The following ADCYAP1 variants were observed in gnomAD, a reference collection of about 807,000 sequenced individuals.
ADCYAP1 encodes the protein pituitary adenylate cyclase-activating polypeptide.
A neutral mutation model predicts 18.5 loss-of-function variants in ADCYAP1; 6 were observed. The observed-to-expected ratio is 0.32, with a 90% CI of 0.18 to 0.64. The LOEUF (loss-of-function observed/expected upper bound fraction) is 0.64, where lower values mean the gene tolerates loss of function less well. ADCYAP1 is among the 30% of genes least tolerant of loss of function. ADCYAP1 has a pLI of 0.77. For missense variants in ADCYAP1, 314 were observed against 253.6 expected (o/e 1.24, Z -1.62); for synonymous variants, 136 against 113.9 (o/e 1.19, Z -1.24).
At chr18:907,462 C>T (rs1428132449) in intron 2 of ADCYAP1, 197 bp from the exon 3 acceptor site, 17 of 526,154 alleles carry the variant, frequency 3.2e-5, no homozygotes, top group Non-Finnish European at 5.3e-5. Context: ...GCGGGCCGCC[C>T]GGCGGGGTAG....
Position 907,728 on chromosome 18 carries a change from C to A in ADCYAP1, c.180C>A (p.Gly60=), listed in dbSNP as rs1244767687. ...ACTTCGATGGCTCGGAGCCGCCGGG[C>A]GCAGGGAGCCCCGCCTCCGCGCCGC... ...LPDFDGSEPP[G]AGSPASAPRA... is the part of the protein sequence containing the mutation. The change falls in exon 3 of 5, where the codon GGC becomes GGA. Residue 60 remains glycine, a synonymous_variant. Coordinates refer to ENST00000450565, the MANE Select transcript of ADCYAP1 (RefSeq NM_001099733.2). The A allele has an allele frequency of 4.6e-6, 7 of 1,529,924 alleles. No homozygotes were observed. In the East Asian group the frequency reaches 7.5e-5, roughly 16 times the overall value. The allele number at this position is 1,529,924 out of a possible 1,614,324, so 94.8% of individuals were successfully genotyped here. A position where few individuals can be genotyped will look rare whatever the true frequency, so the allele number is the denominator to read the frequency against.
At position 907,736 on chromosome 18, in the gene ADCYAP1, G is replaced by A. The variant is rs761085713; in HGVS notation, c.188G>A (p.Ser63Asn). Residue 63 changes from serine (S) to asparagine (N), a missense_variant, in exon 3 of 5, where the codon AGC becomes AAC. Coordinates refer to ENST00000450565, the MANE Select transcript of ADCYAP1 (RefSeq NM_001099733.2). Reference sequence around the variant, plus strand: ...GGCTCGGAGCCGCCGGGCGCAGGGAGCCCCGCCTCCGCGCCGCGCGCCGCC... The same window carrying A: ...GGCTCGGAGCCGCCGGGCGCAGGGAACCCCGCCTCCGCGCCGCGCGCCGCC... ...FDGSEPPGAG[S>N]PASAPRAAAA... 1 of 1,521,936 alleles carries A rather than the reference G, an allele frequency of 6.6e-7. No homozygotes were observed. Among genetic ancestry groups the A allele is most frequent in the Non-Finnish European group, 8.8e-7 (1 of 1,141,398 alleles). The allele number at this position is 1,521,936 out of a possible 1,614,324, so 94.3% of individuals were successfully genotyped here. A position where few individuals can be genotyped will look rare whatever the true frequency, so the allele number is the denominator to read the frequency against.
rs192669197 is a variant in ADCYAP1, at chr18:911,723, C to T, written c.*2088C>T. The T allele has an allele frequency of 6.6e-6, 1 of 152,158 alleles. No homozygotes were observed. The highest frequency in any genetic ancestry group is 2.4e-5 in the African/African-American group (1 of 41,430). 9.4% of individuals were successfully genotyped at this position (152,158 alleles called of 1,614,324 possible). Reference sequence around the variant, plus strand: ...CCTTTCTTCGCCTTTTAAATTGCCACGAATCACAGATGGCTATTTAGTGGC... The same window carrying T: ...CCTTTCTTCGCCTTTTAAATTGCCATGAATCACAGATGGCTATTTAGTGGC... On this transcript the variant is annotated 3_prime_UTR_variant, in exon 5 of 5. Coordinates refer to ENST00000450565, the MANE Select transcript of ADCYAP1 (RefSeq NM_001099733.2).
In ADCYAP1 at chr18:908,208, G is replaced by A. The variant is rs1909250922; in HGVS notation, c.243-57G>A. The A allele has an allele frequency of 5.3e-6, 8 of 1,497,964 alleles. No individual in the cohort carries two copies. In the South Asian group the frequency reaches 6.0e-5, roughly 11 times the overall value. The allele number at this position is 1,497,964 out of a possible 1,614,324, so 92.8% of individuals were successfully genotyped here. A position where few individuals can be genotyped will look rare whatever the true frequency, so the allele number is the denominator to read the frequency against. ...CGCGCGCCCAACAAGGGGGTCTCTA[G>A]CGGCCACCTGGGGACAGAAACAGTG... On this transcript the variant is annotated intron_variant, in intron 3 of 4. Transcript: ENST00000450565.
chr18:908,428 G>GA (rs1909265143), intron 4 of ADCYAP1, 65 bp downstream of exon 4: 2 of 1,463,870 alleles, frequency 1.4e-6, no homozygotes, highest in African/African-American at 2.8e-5. Flanking sequence ...GGCGCGCGGG[G>GA]CGGGCGGCGG....
chr18:904,507 A>G (rs1909080989), upstream of ADCYAP1: 1 of 1,289,094 alleles, frequency 7.8e-7, no homozygotes, highest in African/African-American at 1.5e-5. Context: ...GCACAGATAA[A>G]TAGGAGCAGA....
chr18:908,438 G>A, intron 4 of ADCYAP1, 75 bp downstream of exon 4: 1 of 1,255,774 alleles, frequency 8.0e-7, no homozygotes, highest in Non-Finnish European at 1.1e-6. Flanking sequence ...GCGGGCGGCG[G>A]TGGGTGCCCG....
intron 2 of ADCYAP1, among the ~76,000 whole-genome samples, chr18:907,105 A>G (rs1365750134): frequency 6.6e-6 from 1 of 152,200 alleles, no homozygotes; most frequent in Non-Finnish European, 1.5e-5. Context: ...TGCCCAAAAT[A>G]GAAACCGAGG....
Position 909,656 on chromosome 18 carries a change from T to TGACGCA in ADCYAP1, c.*22_*23insACGCAG, listed in dbSNP as rs778411412. On this transcript the variant is annotated 3_prime_UTR_variant, in exon 5 of 5. Transcript: ENST00000450565. ...TGTAGCGATGGGTTACCAGCTACCCTGTGTATACAGCCCTGACGCAATGAA... is the reference window on the plus strand; with the variant it reads ...TGTAGCGATGGGTTACCAGCTACCCTGACGCAGTGTATACAGCCCTGACGCAATGAA... The TGACGCA allele has an allele frequency of 1.2e-6, 2 of 1,608,952 alleles. No individual in the cohort carries two copies. Among genetic ancestry groups the TGACGCA allele is most frequent in the South Asian group, 2.2e-5 (2 of 90,588 alleles).
Position 911,219 on chromosome 18 carries a change from C to T in ADCYAP1, c.*1584C>T, listed in dbSNP as rs774842695. 5.9e-5 allele frequency: 9 copies of T among 152,140 alleles called. No individual in the cohort carries two copies. In the South Asian group the frequency reaches 1.5e-3, roughly 25 times the overall value. The allele number at this position is 152,140 out of a possible 1,614,324, so 9.4% of individuals were successfully genotyped here. A position where few individuals can be genotyped will look rare whatever the true frequency, so the allele number is the denominator to read the frequency against. On this transcript the variant is annotated 3_prime_UTR_variant, in exon 5 of 5. Coordinates refer to ENST00000450565, the MANE Select transcript of ADCYAP1 (RefSeq NM_001099733.2). ...GACCCTGAGAACCTACGCTTGTATC[C>T]TTTCTTTGGCTAAAGAAAGCATGTC...
rs750759089 is a variant in ADCYAP1 at position 907,681 on chromosome 18, G to A, written c.133G>A (p.Glu45Lys). ...CAGGCCAGAGGAAGAGGCGTACGGCGAGGACGGAAACCCGCTGCCAGACTT... is the reference window on the plus strand; with the variant it reads ...CAGGCCAGAGGAAGAGGCGTACGGCAAGGACGGAAACCCGCTGCCAGACTT... ...GIRPEEEAYG[E>K]DGNPLPDFDG... Residue 45 changes from glutamate to lysine, a missense_variant, in exon 3 of 5, where the codon GAG becomes AAG. Glu to Lys is a moderately conservative substitution (Grantham distance 56, BLOSUM62 1). Transcript: ENST00000450565. The A allele has an allele frequency of 6.3e-7, 1 of 1,575,252 alleles. No individual in the cohort carries two copies. Among genetic ancestry groups the A allele is most frequent in the Admixed American group, 1.8e-5 (1 of 56,910 alleles).
At chr18:905,643 A>G (rs1598982567) in intron 2 of ADCYAP1, 147 bp downstream of exon 2, 1 of 974,938 alleles carries the variant, frequency 1.0e-6, no homozygotes, top group South Asian at 1.7e-5. Context: ...CCTCGGCTGG[A>G]CAGCGGGTCC....
chr18:904,628 G>A (rs1909086543), upstream of ADCYAP1: 4 of 1,246,070 alleles, frequency 3.2e-6, no homozygotes, highest in Non-Finnish European at 3.1e-6. Context: ...CGGCTGCCTG[G>A]CCCGCGGCTC....
rs1167340483 is a variant in ADCYAP1 at position 905,502 on chromosome 18, T to A, written c.110+6T>A. 3 of 1,604,876 alleles carry A rather than the reference T, an allele frequency of 1.9e-6. No homozygotes were observed. Among genetic ancestry groups the A allele is most frequent in the Non-Finnish European group, 2.5e-6 (3 of 1,179,916 alleles). ...CTCCGGTTCCCCGGGATCAGGTAGGTGCTGGCTGCCTGGCCCAAGCAGGAG... is the reference window on the plus strand; with the variant it reads ...CTCCGGTTCCCCGGGATCAGGTAGGAGCTGGCTGCCTGGCCCAAGCAGGAG... On this transcript the variant is annotated splice_donor_region_variant and intron_variant, in intron 2 of 4. Coordinates refer to ENST00000450565, the MANE Select transcript of ADCYAP1 (RefSeq NM_001099733.2).
chr18:907,563 C>G (rs12967282), intron 2 of ADCYAP1, 96 bp from the exon 3 acceptor site: 16 of 1,296,608 alleles, frequency 1.2e-5, no homozygotes, highest in Non-Finnish European at 1.6e-5. Context: ...ACTTTTATCA[C>G]CTGTGAAAAT....
At position 911,267 on chromosome 18, in the gene ADCYAP1, C is replaced by T. The variant is rs182760479; in HGVS notation, c.*1632C>T. 7.9e-5 allele frequency: 12 copies of T among 152,104 alleles called. No homozygotes were observed. The East Asian group carries it at 2.3e-3, about 29-fold the overall frequency. The allele number at this position is 152,104 out of a possible 1,614,324, so 9.4% of individuals were successfully genotyped here. ...GTCTGTTTCCTGTCAATTCTTTGAA[C>T]ATACAGAGTAATCTTTATAAACAAA... On this transcript the variant is annotated 3_prime_UTR_variant, in exon 5 of 5. Coordinates refer to ENST00000450565, the MANE Select transcript of ADCYAP1 (RefSeq NM_001099733.2).
rs1598981951 is a variant in ADCYAP1, at chr18:905,080, A to G, written c.-2+20A>G. On this transcript the variant is annotated intron_variant, in intron 1 of 4. Transcript: ENST00000450565. ...TGAAGGGTAAGGGAGGGAAAATCTT[A>G]CCAAAGCGACCGGCTCACTCGACTG... 1 of 1,296,564 alleles carries G rather than the reference A, an allele frequency of 7.7e-7. No homozygotes were observed. Among genetic ancestry groups the G allele is most frequent in the Non-Finnish European group, 9.9e-7 (1 of 1,006,250 alleles). The allele number at this position is 1,296,564 out of a possible 1,614,324, so 80.3% of individuals were successfully genotyped here.
intron 2 of ADCYAP1, 101 bp downstream of exon 2, chr18:905,597 G>T: frequency 7.4e-7 from 1 of 1,353,716 alleles, no homozygotes; most frequent in Non-Finnish European, 1.0e-6. Context: ...CAGACTACTA[G>T]CATCGCCCTC....
At chr18:907,083 C>T (rs1171210401) in intron 2 of ADCYAP1, among the ~76,000 whole-genome samples, 3 of 152,238 alleles carry the variant, frequency 2.0e-5, no homozygotes, top group African/African-American at 4.8e-5. Context: ...ATGTTCCTGC[C>T]AGATCCTCGC....
Sources: gnomAD v4.1 joint callset for allele counts (sites outside exome capture counted in the v4.1 genomes callset) on GRCh38, gnomAD v4.1.1 for gene constraint, MANE v1.5 for transcripts, NCBI Gene and HGNC (gene_info 2026-07-23, HGNC 2026-07-21) for gene names.